Variants in CACNA2D3 observed in about 807,000 individuals in gnomAD.
CACNA2D3 encodes the protein calcium voltage-gated channel auxiliary subunit alpha2delta 3.
In CACNA2D3, 60 loss-of-function variants were observed where a neutral mutation model predicts 160.6. The ratio of observed to expected loss-of-function variants is 0.37; its 90% confidence interval spans 0.30 to 0.46. The LOEUF is 0.46. CACNA2D3 is among the 20% of genes least tolerant of loss of function. The probability of loss-of-function intolerance (pLI) is 1.00; values close to 1 mark genes in which losing one functional copy is unlikely to be tolerated. For synonymous variants in CACNA2D3, 558 were observed against 492.9 expected (o/e 1.13, Z -1.75); for missense variants, 1,205 against 1,365.0 (o/e 0.88, Z 1.85).
At chr3:54,744,041 G>T (rs1701702767) in intron 11 of CACNA2D3, among the ~76,000 whole-genome samples, 1 of 152,152 alleles carries the variant, frequency 6.6e-6, no homozygotes, top group Non-Finnish European at 1.5e-5. Flanking sequence ...GATGTGATGT[G>T]CATCATAAAA....
intron 2 of CACNA2D3, among the ~76,000 whole-genome samples, chr3:54,263,753 A>G (rs907513414): frequency 1.3e-5 from 2 of 152,132 alleles, no homozygotes; most frequent in African/African-American, 2.4e-5. Flanking sequence ...CAGCAATAAG[A>G]TGGAACACAC....
At position 54,857,985 on chromosome 3, in the gene CACNA2D3, G is replaced by A. The variant is rs78529401; in HGVS notation, c.1626+11518G>A. Among the ~76,000 whole-genome samples, 17 of 151,796 alleles carry A rather than the reference G, an allele frequency of 1.1e-4. No homozygotes were observed. The East Asian group carries it at 1.9e-3, about 17-fold the overall frequency. ...ATTTGATTTAGAAGATAGGATTCTC[G>A]GCTGCTTTATTATTTGAAGAAAGGA... On this transcript the variant is annotated intron_variant, in intron 17 of 37. Transcript: ENST00000474759.
chr3:54,917,599 A>G (rs1312904491), intron 27 of CACNA2D3, among the ~76,000 whole-genome samples: 1 of 152,262 alleles, frequency 6.6e-6, no homozygotes, highest in South Asian at 2.1e-4. Context: ...GCAGATACAG[A>G]TACACAAAAG....
intron 2 of CACNA2D3, among the ~76,000 whole-genome samples, chr3:54,184,591 C>T (rs1700846241): frequency 6.6e-6 from 1 of 152,202 alleles, no homozygotes; most frequent in African/African-American, 2.4e-5. Context: ...CTTTCCCTTG[C>T]CTTCATGGCT....
intron 2 of CACNA2D3, among the ~76,000 whole-genome samples, chr3:54,228,884 A>C (rs1042872535): frequency 5.3e-5 from 8 of 152,198 alleles, no homozygotes; most frequent in Admixed American, 5.2e-4. Flanking sequence ...CTGCATGAGC[A>C]GCTCACATTT....
chr3:54,706,747 C>T (rs544062230), intron 11 of CACNA2D3, among the ~76,000 whole-genome samples: 5 of 152,260 alleles, frequency 3.3e-5, no homozygotes, highest in South Asian at 4.1e-4. Context: ...TGGGAGGCTG[C>T]GTGATAACAT....
chr3:54,971,273 T>TG (rs1702272475), intron 29 of CACNA2D3, among the ~76,000 whole-genome samples: 1 of 152,342 alleles, frequency 6.6e-6, no homozygotes, highest in East Asian at 1.9e-4. Context: ...GATAGTCAAG[T>TG]GGGCCTCAAG....
intron 5 of CACNA2D3, among the ~76,000 whole-genome samples, chr3:54,517,467 T>C (rs1370529346): frequency 6.6e-6 from 1 of 152,150 alleles, no homozygotes; most frequent in Admixed American, 6.5e-5. Context: ...TCCAAGACCC[T>C]CGCCCCAGGG....
At chr3:54,393,230 T>G (rs185594252) in intron 4 of CACNA2D3, among the ~76,000 whole-genome samples, 170 of 152,280 alleles carry the variant, frequency 1.1e-3, no homozygotes, top group African/African-American at 3.9e-3. Flanking sequence ...ACGTGGAGAC[T>G]TGTAGTGCTC....
At chr3:54,738,189 TTAA>T (rs1210763760) in intron 11 of CACNA2D3, among the ~76,000 whole-genome samples, 1 of 152,236 alleles carries the variant, frequency 6.6e-6, no homozygotes, top group Non-Finnish European at 1.5e-5. Flanking sequence ...AGGACCATTT[TTAA>T]TACTGGCTGT....
At chr3:54,700,190 C>A (rs1700742666) in intron 11 of CACNA2D3, among the ~76,000 whole-genome samples, 1 of 152,212 alleles carries the variant, frequency 6.6e-6, no homozygotes, top group Non-Finnish European at 1.5e-5. Context: ...ACTCCCAGCT[C>A]ACTTTCACCT....
chr3:54,568,703 C>A (rs1702447459), intron 6 of CACNA2D3, among the ~76,000 whole-genome samples: 1 of 152,176 alleles, frequency 6.6e-6, no homozygotes, highest in Non-Finnish European at 1.5e-5. Context: ...GCTTCTTATA[C>A]TAACATTTTC....
intron 8 of CACNA2D3, among the ~76,000 whole-genome samples, chr3:54,573,173 A>G (rs1702527935): frequency 6.6e-6 from 1 of 152,188 alleles, no homozygotes; most frequent in Admixed American, 6.5e-5. Context: ...CTATTTACAT[A>G]ATTATTTCAA....
At position 54,680,473 on chromosome 3, in the gene CACNA2D3, A is replaced by G. The variant is rs568432098; in HGVS notation, c.1167+38232A>G. Among the ~76,000 whole-genome samples, 4 of 152,268 alleles carry G rather than the reference A, an allele frequency of 2.6e-5. No homozygotes were observed. In the South Asian group the frequency reaches 8.3e-4, roughly 32 times the overall value. ...CTTAAGCTTCTTCAACATGGCCCCT[A>G]CCCCCAGCCTGGGTCTTGCCTGAGG... On this transcript the variant is annotated intron_variant, in intron 11 of 37. Coordinates refer to ENST00000474759, the MANE Select transcript of CACNA2D3 (RefSeq NM_018398.3).
intron 35 of CACNA2D3, among the ~76,000 whole-genome samples, chr3:55,019,988 C>A (rs1169494895): frequency 6.6e-6 from 1 of 151,990 alleles, no homozygotes; most frequent in Admixed American, 6.5e-5. Context: ...ACTATTAATT[C>A]CATAATTGCT....
At chr3:55,033,763 A>T (rs5008698) in intron 35 of CACNA2D3, among the ~76,000 whole-genome samples, 19,319 of 57,868 alleles carry the variant, frequency 0.33, 2,743 homozygotes, top group Admixed American at 0.39. Context: ...TTAAATATAT[A>T]TTATATAATA....
chr3:54,243,421 A>G (rs1443601050), intron 2 of CACNA2D3, among the ~76,000 whole-genome samples: 1 of 152,138 alleles, frequency 6.6e-6, no homozygotes, highest in Admixed American at 6.5e-5. Flanking sequence ...GTCCTTAGCT[A>G]TTCATGACTT....
chr3:54,179,659 G>A (rs1301898691), intron 2 of CACNA2D3, among the ~76,000 whole-genome samples: 3 of 152,196 alleles, frequency 2.0e-5, no homozygotes, highest in African/African-American at 4.8e-5. Context: ...CCTCAATGTG[G>A]TGGTAGTTGG....
chr3:54,385,961 A>G (rs774139266), intron 3 of CACNA2D3: 13 of 506,308 alleles, frequency 2.6e-5, no homozygotes, highest in Middle Eastern at 4.3e-4. Context: ...CTATATTTTC[A>G]AGGTGGGAAA....
Sources: allele counts gnomAD v4.1 joint callset (sites outside exome capture counted in the v4.1 genomes callset), GRCh38; gene constraint gnomAD v4.1.1; transcripts MANE v1.5; gene names NCBI Gene and HGNC (gene_info 2026-07-23, HGNC 2026-07-21).